The following PCSK2 variants were observed in gnomAD, a reference collection of about 807,000 sequenced individuals.
PCSK2 encodes neuroendocrine convertase 2.
Under a neutral mutation model 69.7 loss-of-function variants are expected in PCSK2, and 14 were observed. The ratio of observed to expected loss-of-function variants is 0.20; its 90% CI spans 0.13 to 0.31. The LOEUF is 0.31. PCSK2 is among the 10% of genes least tolerant of loss of function. The probability of loss-of-function intolerance (pLI) is 1.00; values close to 1 mark genes in which losing one functional copy is unlikely to be tolerated. For synonymous variants in PCSK2, 307 were observed against 320.7 expected (o/e 0.96, Z 0.46); for missense variants, 544 against 842.5 (o/e 0.65, Z 4.39).
At chr20:17,313,411 T>A (rs1276060973) in intron 2 of PCSK2, among the ~76,000 whole-genome samples, 1 of 151,904 alleles carries the variant, frequency 6.6e-6, no homozygotes, top group Non-Finnish European at 1.5e-5. Context: ...CTGACCTCCA[T>A]CACCAGAAGA....
intron 2 of PCSK2, among the ~76,000 whole-genome samples, chr20:17,264,617 C>A (rs902217405): frequency 5.9e-5 from 9 of 152,134 alleles, no homozygotes; most frequent in African/African-American, 2.2e-4. Flanking sequence ...CAATAACCCA[C>A]AAAATTTAGC....
intron 2 of PCSK2, among the ~76,000 whole-genome samples, chr20:17,315,784 C>A (rs1989669555): frequency 6.6e-6 from 1 of 152,196 alleles, no homozygotes; most frequent in African/African-American, 2.4e-5. Flanking sequence ...CGGTCTCCTG[C>A]AGGGCTGCGG....
rs1990689879 is a variant in PCSK2, at chr20:17,347,789, AAAGAAAGAAAG to A, written c.283-10535_283-10525del. On this transcript the variant is annotated intron_variant, in intron 2 of 11. Coordinates refer to ENST00000262545, the MANE Select transcript of PCSK2 (RefSeq NM_002594.5). ...AAAACTGCTGAAAGACACATAGACG[AAAGAAAGAAAG>A]AAAGAAAGAAAGAAAGAAAGAAAGA... Among the ~76,000 whole-genome samples, 5 of 20,898 alleles carry A rather than the reference AAAGAAAGAAAG, an allele frequency of 2.4e-4. No homozygotes were observed. The East Asian group carries it at 2.8e-3, about 12-fold the overall frequency. The allele number at this position is 20,898 out of a possible 152,430, so 13.7% of individuals were successfully genotyped here.
chr20:17,383,020 C>G (rs1001626541), intron 5 of PCSK2, among the ~76,000 whole-genome samples: 2 of 152,082 alleles, frequency 1.3e-5, no homozygotes, highest in Non-Finnish European at 2.9e-5. Flanking sequence ...CATGTGTTCC[C>G]CCATTAGAAT....
chr20:17,378,303 G>T (rs964914520), intron 5 of PCSK2, among the ~76,000 whole-genome samples: 4 of 76,634 alleles, frequency 5.2e-5, no homozygotes, highest in Non-Finnish European at 1.7e-4. Context: ...TCATCTAGAA[G>T]CTTCATCAAT....
chr20:17,377,053 C>G (rs994201129), intron 5 of PCSK2, among the ~76,000 whole-genome samples: 6 of 152,178 alleles, frequency 3.9e-5, no homozygotes, highest in Non-Finnish European at 5.9e-5. Flanking sequence ...GACCCTGGAA[C>G]CTAACTGAGT....
At chr20:17,399,757 C>T (rs2031593495) in intron 5 of PCSK2, among the ~76,000 whole-genome samples, 2 of 152,192 alleles carry the variant, frequency 1.3e-5, no homozygotes, top group African/African-American at 4.8e-5. Context: ...GATTGTCAAG[C>T]TGTACTCAGA....
intron 1 of PCSK2, among the ~76,000 whole-genome samples, chr20:17,258,761 AGTGTGTGTGTGTGT>A (rs11467589): frequency 6.9e-6 from 1 of 145,006 alleles, no homozygotes; most frequent in Non-Finnish European, 1.5e-5. Context: ...CATAATATGT[AGTGTGTGTGTGTGT>A]GTGTGTGTGT....
chr20:17,435,442 G>A (rs1199775521), intron 7 of PCSK2, among the ~76,000 whole-genome samples: 2 of 152,172 alleles, frequency 1.3e-5, no homozygotes, highest in African/African-American at 4.8e-5. Flanking sequence ...TGAGATCCTC[G>A]AGTCTCCTGA....
chr20:17,356,096 TAC>T (rs2030188115), intron 2 of PCSK2, among the ~76,000 whole-genome samples: 1 of 152,138 alleles, frequency 6.6e-6, no homozygotes, highest in South Asian at 2.1e-4. Context: ...CACACATATA[TAC>T]ACACATACAC....
intron 4 of PCSK2, among the ~76,000 whole-genome samples, chr20:17,365,452 A>C (rs1568619888): frequency 6.6e-6 from 1 of 151,116 alleles, no homozygotes; most frequent in African/African-American, 2.4e-5. Context: ...CGCAAGCACC[A>C]CCCCCCCGAA....
At chr20:17,227,543 G>C in intron 1 of PCSK2, 61 bp downstream of exon 1, 1 of 1,342,182 alleles carries the variant, frequency 7.5e-7, no homozygotes, top group East Asian at 2.4e-5. Context: ...GGGCAGCCCT[G>C]CGCAATCTCA....
chr20:17,423,292 G>T (rs1313991849), intron 6 of PCSK2, among the ~76,000 whole-genome samples: 1 of 152,180 alleles, frequency 6.6e-6, no homozygotes, highest in Middle Eastern at 3.2e-3. Context: ...GTTATAGGTA[G>T]ATTCAAAGAT....
intron 11 of PCSK2, among the ~76,000 whole-genome samples, chr20:17,480,605 A>T (rs2033382721): frequency 6.6e-6 from 1 of 152,266 alleles, no homozygotes; most frequent in African/African-American, 2.4e-5. Flanking sequence ...GGGTTGTCCC[A>T]GAAGTCCAAC....
At chr20:17,278,967 T>C (rs1049076355) in intron 2 of PCSK2, among the ~76,000 whole-genome samples, 5 of 152,070 alleles carry the variant, frequency 3.3e-5, no homozygotes, top group African/African-American at 1.2e-4. Flanking sequence ...AAACGATCCA[T>C]TGCTTTATTT....
At chr20:17,317,093 T>C (rs1989712165) in intron 2 of PCSK2, among the ~76,000 whole-genome samples, 3 of 152,204 alleles carry the variant, frequency 2.0e-5, no homozygotes. Context: ...ACATTCTGAC[T>C]CAGTCTTTTC....
chr20:17,444,383 T>G (rs2032657032), intron 8 of PCSK2, among the ~76,000 whole-genome samples: 1 of 152,246 alleles, frequency 6.6e-6, no homozygotes. Context: ...ACCTGACTCC[T>G]TAGGGATTTG....
intron 5 of PCSK2, among the ~76,000 whole-genome samples, chr20:17,407,255 A>G (rs1165381675): frequency 6.6e-6 from 1 of 151,934 alleles, no homozygotes; most frequent in East Asian, 1.9e-4. Flanking sequence ...TTCCCACTCC[A>G]ACAGCACACC....
chr20:17,436,959 G>T, intron 8 of PCSK2, 76 bp downstream of exon 8: 2 of 1,254,384 alleles, frequency 1.6e-6, no homozygotes, highest in Non-Finnish European at 1.1e-6. Flanking sequence ...ATGCAACTGG[G>T]TGAACCACTG....
Sources: gnomAD v4.1 joint callset for allele counts (sites outside exome capture counted in the v4.1 genomes callset) on GRCh38, gnomAD v4.1.1 for gene constraint, MANE v1.5 for transcripts, NCBI Gene and HGNC (gene_info 2026-07-23, HGNC 2026-07-21) for gene names.